The following TNK2 variants were observed in gnomAD, a reference collection of about 807,000 sequenced individuals.
TNK2 encodes the protein tyrosine kinase non receptor 2.
Under a neutral mutation model 101.8 loss-of-function variants are expected in TNK2, and 83 were observed. The observed-to-expected ratio is 0.82, with a 90% CI of 0.68 to 0.98. The LOEUF (loss-of-function observed/expected upper bound fraction) is 0.98, where lower values mean the gene tolerates loss of function less well. Among genes scored for constraint, TNK2 ranks in the 50% least tolerant of loss-of-function variants. The pLI is 0.00. For missense variants in TNK2, 1,665 were observed against 1,483.2 expected (o/e 1.12, Z -2.01); for synonymous variants, 804 against 633.0 (o/e 1.27, Z -4.06).
intron 1 of TNK2, chr3:195,892,448 A>C (rs1333041989): frequency 6.5e-7 from 1 of 1,535,470 alleles, no homozygotes; most frequent in East Asian, 2.4e-5. Context: ...CAGGAGAGGG[A>C]AGGAGAGCTC....
At chr3:195,904,558 A>G (rs959735696) in intron 1 of TNK2, among the ~76,000 whole-genome samples, 3 of 152,148 alleles carry the variant, frequency 2.0e-5, no homozygotes, top group African/African-American at 7.2e-5. Context: ...TTACTGTTTA[A>G]TAGGTGCGGT....
intron 1 of TNK2, chr3:195,895,138 C>T: frequency 9.4e-7 from 1 of 1,065,594 alleles, no homozygotes; most frequent in Non-Finnish European, 1.3e-6. Flanking sequence ...CAGGAGCAGA[C>T]ACTCTCACTC....
In TNK2 at chr3:195,885,219, T is replaced by C. The variant is rs1016205391; in HGVS notation, c.235-186A>G. The C allele has an allele frequency of 1.4e-5, 14 of 1,020,448 alleles. No homozygotes were observed. The East Asian group carries it at 1.8e-4, about 13-fold the overall frequency. The allele number at this position is 1,020,448 out of a possible 1,614,324, so 63.2% of individuals were successfully genotyped here. A position where few individuals can be genotyped will look rare whatever the true frequency, so the allele number is the denominator to read the frequency against. On this transcript the variant is annotated intron_variant, in intron 3 of 15. Transcript: ENST00000672887. The surrounding 1 kb of genome is among the most constrained non-coding windows in gnomAD (Gnocchi z 4.7). ...TCCGTCCAGGGCACACCCCCAAACATGAACCCAAAGCCTGATGCTGGCCTC... is the reference window on the plus strand; with the variant it reads ...TCCGTCCAGGGCACACCCCCAAACACGAACCCAAAGCCTGATGCTGGCCTC...
Position 195,882,667 on chromosome 3 carries a change from G to A in TNK2, c.610-339C>T, listed in dbSNP as rs1392068115. 3 of 592,230 alleles carry A rather than the reference G, an allele frequency of 5.1e-6. No individual in the cohort carries two copies. The African/African-American group carries it at 5.7e-5, about 11-fold the overall frequency. The allele number at this position is 592,230 out of a possible 1,614,324, so 36.7% of individuals were successfully genotyped here. A position where few individuals can be genotyped will look rare whatever the true frequency, so the allele number is the denominator to read the frequency against. ...GAGGTCAGGAGTTTGAGACCAGCCT[G>A]GCCAACATGGTGAAACCCCGTCTCT... On this transcript the variant is annotated intron_variant, in intron 5 of 15. Coordinates refer to ENST00000672887, the MANE Select transcript of TNK2 (RefSeq NM_001382273.1). The surrounding 1 kb of genome is among the most constrained non-coding windows in gnomAD (Gnocchi z 4.2).
intron 11 of TNK2, chr3:195,869,891 G>T: frequency 1.8e-6 from 1 of 558,870 alleles, no homozygotes; most frequent in Non-Finnish European, 3.2e-6. Flanking sequence ...CGGGGCGGAC[G>T]GGCCTGCTGC....
intron 1 of TNK2, among the ~76,000 whole-genome samples, chr3:195,894,012 G>C (rs1384418222): frequency 1.3e-5 from 2 of 152,182 alleles, no homozygotes; most frequent in Non-Finnish European, 2.9e-5. Context: ...AAAGCTTGTG[G>C]AGATGGCAGG....
intron 11 of TNK2, 146 bp downstream of exon 11, chr3:195,869,968 G>C (rs1743847072): frequency 1.5e-6 from 1 of 657,996 alleles, no homozygotes; most frequent in Non-Finnish European, 2.5e-6. Flanking sequence ...CGCCCAGCCG[G>C]AGCCAGGGAC....
At chr3:195,883,342 C>G in intron 4 of TNK2, 33 bp from the exon 5 acceptor site, 2 of 1,609,454 alleles carry the variant, frequency 1.2e-6, no homozygotes, top group Admixed American at 1.7e-5. Flanking sequence ...GGACTCAGGA[C>G]TTGCCAGGTC....
Position 195,878,590 on chromosome 3 carries a change from G to A in TNK2, c.1017C>T (p.Ile339=), listed in dbSNP as rs1699259559. The A allele has an allele frequency of 1.9e-6, 3 of 1,612,170 alleles. No individual in the cohort carries two copies. The highest frequency in any genetic ancestry group is 2.5e-6 in the Non-Finnish European group (3 of 1,179,542). Reference sequence around the variant, plus strand: ...CCCCCTCCTTGTCGATCTTATGCAGGATCTGAAGGTGAGGAGGTGCAGAGT... The same window carrying A: ...CCCCCTCCTTGTCGATCTTATGCAGAATCTGAAGGTGAGGAGGTGCAGAGT... ...EPWIGLNGSQ[I]LHKIDKEGER... is the part of the protein sequence containing the mutation. Residue 339 remains isoleucine (I), a splice_region_variant and synonymous_variant, in exon 8 of 16, where the codon ATC becomes ATT. Transcript: ENST00000672887. This position sits in a 1 kb window ranked among gnomAD's most constrained non-coding sequence, Gnocchi z 4.7.
intron 1 of TNK2, among the ~76,000 whole-genome samples, chr3:195,901,035 C>T (rs1194100902): frequency 6.6e-6 from 1 of 152,208 alleles, no homozygotes; most frequent in Non-Finnish European, 1.5e-5. Context: ...ACTGCTCATT[C>T]CCTCAGGACC....
In TNK2 at chr3:195,867,662, T is replaced by C. The variant is rs778020093; in HGVS notation, c.2636A>G (p.Glu879Gly). The C allele has an allele frequency of 6.7e-5, 108 of 1,605,774 alleles. No individual in the cohort carries two copies. In the Middle Eastern group the frequency reaches 1.5e-3, roughly 22 times the overall value. The change falls in exon 13 of 16, where the codon GAG (glutamate) becomes GGG (glycine). Residue 879 changes from glutamate to glycine, a missense_variant. Coordinates refer to ENST00000672887, the MANE Select transcript of TNK2 (RefSeq NM_001382273.1). ...GTAGCGCTCCAGGTAGGATGGTCGCTCGGGCAGCAAGTAATAGTGGGTGCT... is the reference window on the plus strand; with the variant it reads ...GTAGCGCTCCAGGTAGGATGGTCGCCCGGGCAGCAAGTAATAGTGGGTGCT... ...VSSTHYYLLP[E>G]RPSYLERYQR...
chr3:195,868,557 C>G lies in TNK2; in HGVS notation c.1741G>C (p.Ala581Pro), dbSNP rs202068965. 2.6e-4 allele frequency: 412 copies of G among 1,573,202 alleles called. 1 individual carries two copies. The African/African-American group carries it at 5.0e-3, about 19-fold the overall frequency. The change falls in exon 13 of 16, where the codon GCT becomes CCT. Residue 581 changes from alanine to proline, a missense_variant. Ala to Pro is a conservative substitution (Grantham distance 27). Transcript: ENST00000672887. ...PGTKASRGSG[A>P]EVTLIDFGEE... ...CCGAAGTCGATGAGCGTGACCTCAGCCCCGCTGCCTCGGCTGGCCTTGGTG... is the reference window on the plus strand; with the variant it reads ...CCGAAGTCGATGAGCGTGACCTCAGGCCCGCTGCCTCGGCTGGCCTTGGTG...
chr3:195,900,377 G>A lies in TNK2; in HGVS notation c.-19+8108C>T, dbSNP rs73205799. ...CAGTGGAGAAGGGAATGTCACTTGA[G>A]AGAGGAGGGGTGAGGATCTGACTAA... On this transcript the variant is annotated intron_variant, in intron 1 of 15. Coordinates refer to ENST00000672887, the MANE Select transcript of TNK2 (RefSeq NM_001382273.1). Among the ~76,000 whole-genome samples, 929 of 152,314 alleles carry A rather than the reference G, an allele frequency of 6.1e-3. 5 individuals are homozygous for A. The highest frequency in any genetic ancestry group is 7.9e-3 in the Non-Finnish European group (535 of 68,024).
chr3:195,886,879 G>T lies in TNK2; in HGVS notation c.234+98C>A. On this transcript the variant is annotated intron_variant, in intron 3 of 15. Coordinates refer to ENST00000672887, the MANE Select transcript of TNK2 (RefSeq NM_001382273.1). This position sits in a 1 kb window ranked among gnomAD's most constrained non-coding sequence, Gnocchi z 4.2. ...AAGTGCCGGCAGAACGGCGAGATTC[G>T]ACCTGCCGGGGAGCTGGGGAAGGTT... 1.5e-6 allele frequency: 2 copies of T among 1,370,942 alleles called. No homozygotes were observed. The highest frequency in any genetic ancestry group is 1.2e-5 in the South Asian group (1 of 85,852). 84.9% of individuals were successfully genotyped at this position (1,370,942 alleles called of 1,614,324 possible). A position where few individuals can be genotyped will look rare whatever the true frequency, so the allele number is the denominator to read the frequency against.
At chr3:195,887,955 CGTGTGT>C (rs58113480) in intron 2 of TNK2, among the ~76,000 whole-genome samples, 16,979 of 148,112 alleles carry the variant, frequency 0.11, 1,036 homozygotes, top group Non-Finnish European at 0.14. Context: ...TGTGTGCCTG[CGTGTGT>C]GTGTGTGTGT....
At position 195,888,707 on chromosome 3, in the gene TNK2, G is replaced by T; in HGVS notation, c.-18-101C>A. 1 of 1,161,386 alleles carries T rather than the reference G, an allele frequency of 8.6e-7. No homozygotes were observed. Among genetic ancestry groups the T allele is most frequent in the Non-Finnish European group, 1.2e-6 (1 of 844,050 alleles). The allele number at this position is 1,161,386 out of a possible 1,614,324, so 71.9% of individuals were successfully genotyped here. A position where few individuals can be genotyped will look rare whatever the true frequency, so the allele number is the denominator to read the frequency against. ...CCTTCATCCCACTACACGGCCACCC[G>T]GAAGGGCTCACACCACCTTCTGACT... On this transcript the variant is annotated intron_variant, in intron 1 of 15. Coordinates refer to ENST00000672887, the MANE Select transcript of TNK2 (RefSeq NM_001382273.1). This position sits in a 1 kb window ranked among gnomAD's most constrained non-coding sequence, Gnocchi z 5.3.
At chr3:195,892,743 G>C in intron 1 of TNK2, 2 of 1,344,314 alleles carry the variant, frequency 1.5e-6, no homozygotes, top group South Asian at 3.6e-5. Context: ...CTCCAGGGCA[G>C]TGGTCACAGT....
In TNK2 at chr3:195,879,145, G is replaced by A; in HGVS notation, c.918C>T (p.Thr306=). ...TCCAGGTGTCGCTGGCATGGGAGAA[G>A]GTGCGTGTCTTCAGGCTCTCGGGGG... ...WCAPESLKTR[T]FSHASDTWMF... The change falls in exon 7 of 16, where the codon ACC becomes ACT. Residue 306 remains threonine, a synonymous_variant. Coordinates refer to ENST00000672887, the MANE Select transcript of TNK2 (RefSeq NM_001382273.1). 2 of 1,613,816 alleles carry A rather than the reference G, an allele frequency of 1.2e-6. No individual in the cohort carries two copies. Among genetic ancestry groups the A allele is most frequent in the Non-Finnish European group, 8.5e-7 (1 of 1,179,994 alleles).
chr3:195,901,831 C>T (rs113738773), intron 1 of TNK2, among the ~76,000 whole-genome samples: 34 of 152,316 alleles, frequency 2.2e-4, no homozygotes, highest in African/African-American at 8.2e-4. Context: ...AGCCCATTCA[C>T]GACTGTACTG....
Sources: gnomAD v4.1 joint callset for allele counts (sites outside exome capture counted in the v4.1 genomes callset) on GRCh38, gnomAD v4.1.1 for gene constraint, Gnocchi (gnomAD v3.1) non-coding constraint, MANE v1.5 for transcripts, NCBI Gene and HGNC (gene_info 2026-07-23, HGNC 2026-07-21) for gene names.